The following UGT1A4 variants were observed in gnomAD, a reference collection of about 807,000 sequenced individuals.
UGT1A4 encodes the protein UDP-glucuronosyltransferase 1A4.
In UGT1A4, 32 loss-of-function variants were observed where a neutral mutation model predicts 41.1. That is an observed-to-expected ratio of 0.78 (90% confidence interval 0.59 to 1.05). UGT1A4 has a LOEUF of 1.05. Among genes scored for constraint, UGT1A4 ranks in the 50% least tolerant of loss-of-function variants. UGT1A4 has a pLI of 0.00. For missense variants in UGT1A4, 748 were observed against 677.4 expected (o/e 1.10, Z -1.16); for synonymous variants, 283 against 265.1 (o/e 1.07, Z -0.66).
chr2:233,742,319 G>A (rs1288703999), intron 1 of UGT1A4, among the ~76,000 whole-genome samples: 1 of 151,924 alleles, frequency 6.6e-6, no homozygotes, highest in African/African-American at 2.4e-5. Flanking sequence ...TATTCCTTAC[G>A]GGAAACAAAG....
intron 1 of UGT1A4, among the ~76,000 whole-genome samples, chr2:233,733,964 G>T (rs1371288114): frequency 2.0e-5 from 3 of 152,056 alleles, no homozygotes; most frequent in Admixed American, 1.3e-4. Flanking sequence ...TGTGGGGTAG[G>T]GGGAGCGGGG....
rs1180664629 is a variant in UGT1A4, at chr2:233,724,483, C to T, written c.867+4796C>T. On this transcript the variant is annotated intron_variant, in intron 1 of 4. Coordinates refer to ENST00000373409, the MANE Select transcript of UGT1A4 (RefSeq NM_007120.3). ...GCGGAGGGGCTCCTCACTTCTCAGA[C>T]GGGGCGGCCGGGCAGAGACGCTCCT... 7.2e-3 allele frequency among the ~76,000 whole-genome samples: 496 copies of T among 68,798 alleles called. 18 individuals are homozygous for T. The highest frequency in any genetic ancestry group is 0.025 in the African/African-American group (456 of 18,100). The allele number at this position is 68,798 out of a possible 152,430, so 45.1% of individuals were successfully genotyped here. A position where few individuals can be genotyped will look rare whatever the true frequency, so the allele number is the denominator to read the frequency against.
intron 1 of UGT1A4, chr2:233,743,191 C>T (rs1334858681): frequency 2.7e-6 from 1 of 376,140 alleles, no homozygotes; most frequent in East Asian, 7.3e-5. Flanking sequence ...ACTGGAATTA[C>T]TTGGTGTCAA....
At chr2:233,758,400 T>C (rs1696865651) in intron 1 of UGT1A4, among the ~76,000 whole-genome samples, 1 of 152,196 alleles carries the variant, frequency 6.6e-6, no homozygotes, top group African/African-American at 2.4e-5. Context: ...TTATAGCCCC[T>C]TTACTGTCTA....
chr2:233,738,320 T>C (rs1202605644), intron 1 of UGT1A4, among the ~76,000 whole-genome samples: 5 of 152,210 alleles, frequency 3.3e-5, no homozygotes, highest in Admixed American at 3.3e-4. Context: ...AGTGTGTGAA[T>C]GGACTAATAC....
At chr2:233,726,798 G>T (rs548256451) in intron 1 of UGT1A4, among the ~76,000 whole-genome samples, 1 of 152,228 alleles carries the variant, frequency 6.6e-6, no homozygotes, top group South Asian at 2.1e-4. Context: ...CTTATTCAAG[G>T]CTTGGAGGTT....
chr2:233,718,782 C>T lies in UGT1A4; in HGVS notation c.-39C>T, dbSNP rs199517966. On this transcript the variant is annotated 5_prime_UTR_variant, in exon 1 of 5. Coordinates refer to ENST00000373409, the MANE Select transcript of UGT1A4 (RefSeq NM_007120.3). ...AAGGAAACAAATGTAGCAGGCACAGCGTGGGGTGGACAGTCAGCTGTCGGT... is the reference window on the plus strand; with the variant it reads ...AAGGAAACAAATGTAGCAGGCACAGTGTGGGGTGGACAGTCAGCTGTCGGT... 246 of 1,612,936 alleles carry T rather than the reference C, an allele frequency of 1.5e-4. No individual in the cohort carries two copies. The East Asian group carries it at 2.9e-3, about 19-fold the overall frequency.
At chr2:233,729,155 C>A in intron 1 of UGT1A4, 1 of 1,613,596 alleles carries the variant, frequency 6.2e-7, no homozygotes, top group Non-Finnish European at 8.5e-7. Flanking sequence ...GTTCCCCTGC[C>A]GTGGCTGGCC....
rs184388078 is a variant in UGT1A4 at position 233,743,692 on chromosome 2, G to A, written c.868-23342G>A. ...CGAAGGGCCTGCCGCCTGTGCAGCCGCCCTCCGCCCCCGCCTCGCCATAGC... is the reference window on the plus strand; with the variant it reads ...CGAAGGGCCTGCCGCCTGTGCAGCCACCCTCCGCCCCCGCCTCGCCATAGC... On this transcript the variant is annotated intron_variant, in intron 1 of 4. Coordinates refer to ENST00000373409, the MANE Select transcript of UGT1A4 (RefSeq NM_007120.3). The A allele has an allele frequency of 3.6e-4, 492 of 1,367,218 alleles. 1 individual carries two copies. Among genetic ancestry groups the A allele is most frequent in the Non-Finnish European group, 4.5e-4 (457 of 1,021,852 alleles). 84.7% of individuals were successfully genotyped at this position (1,367,218 alleles called of 1,614,324 possible). A position where few individuals can be genotyped will look rare whatever the true frequency, so the allele number is the denominator to read the frequency against.
chr2:233,769,665 G>T lies in UGT1A4; in HGVS notation c.1307+1226G>T. 6.3e-7 allele frequency: 1 copy of T among 1,592,194 alleles called. No homozygotes were observed. The highest frequency in any genetic ancestry group is 1.1e-5 in the South Asian group (1 of 88,390). The stretch of plus-strand genomic sequence containing the variant: ...TGATGACTGACTTCCCACCTTTGAG[G>T]TGCTAATGTGTGTGTGGTGGCACTG... On this transcript the variant is annotated intron_variant, in intron 4 of 4. Transcript: ENST00000373409. The surrounding 1 kb of genome is among the most constrained non-coding windows in gnomAD (Gnocchi z 4.4).
chr2:233,745,245 C>T (rs931474657), intron 1 of UGT1A4, among the ~76,000 whole-genome samples: 3 of 151,778 alleles, frequency 2.0e-5, no homozygotes, highest in African/African-American at 7.3e-5. Flanking sequence ...TTTACTGTAT[C>T]GAAACCATTA....
intron 2 of UGT1A4, 126 bp from the exon 3 acceptor site, chr2:233,767,723 C>T: frequency 1.3e-6 from 2 of 1,549,102 alleles, no homozygotes; most frequent in Non-Finnish European, 1.7e-6. Context: ...TTCACAGTTA[C>T]TGATCCTCCC....
chr2:233,738,227 A>G (rs1250315362), intron 1 of UGT1A4, among the ~76,000 whole-genome samples: 1 of 151,870 alleles, frequency 6.6e-6, no homozygotes, highest in African/African-American at 2.4e-5. Context: ...AAGTTTCCTG[A>G]GGCCCCTCCA....
intron 1 of UGT1A4, chr2:233,729,977 GGAA>G: frequency 1.2e-6 from 2 of 1,614,018 alleles, no homozygotes; most frequent in African/African-American, 2.7e-5. Flanking sequence ...TGTGCCAACA[GGAA>G]GCCACTATCT....
rs200412341 is a variant in UGT1A4 at position 233,760,665 on chromosome 2, C to T, written c.868-6369C>T. The T allele has an allele frequency of 2.6e-5, 42 of 1,614,226 alleles. No individual in the cohort carries two copies. The East Asian group carries it at 8.9e-4, about 34-fold the overall frequency. On this transcript the variant is annotated intron_variant, in intron 1 of 4. Transcript: ENST00000373409. ...AGGACTCTGCTATGCTTTTGTCTGG[C>T]TGTTCCCACTTACTGCACAACAAGG...
chr2:233,737,440 C>T (rs575360355), intron 1 of UGT1A4, among the ~76,000 whole-genome samples: 16 of 152,288 alleles, frequency 1.1e-4, no homozygotes, highest in African/African-American at 3.1e-4. Context: ...GGGAGTGTCC[C>T]GTTTTTCCAG....
Position 233,719,247 on chromosome 2 carries a change from G to A in UGT1A4, c.427G>A (p.Ala143Thr). The change falls in exon 1 of 5, where the codon GCT becomes ACT. Residue 143 changes from alanine to threonine, a missense_variant. By Grantham distance (58) the Ala-to-Thr change is moderately conservative (BLOSUM62 0). Transcript: ENST00000373409. ...HNEALIRHLN[A>T]TSFDVVLTDP... ...TGAGGCCCTGATCAGGCACCTGAAT[G>A]CTACTTCCTTTGATGTGGTTTTAAC... 1.2e-6 allele frequency: 2 copies of A among 1,614,186 alleles called. No homozygotes were observed.
chr2:233,739,170 A>G (rs1447136581), intron 1 of UGT1A4: 1 of 152,280 alleles, frequency 6.6e-6, no homozygotes, highest in Non-Finnish European at 1.5e-5. Context: ...TAGAGGATGT[A>G]AGGAAATGCT....
intron 1 of UGT1A4, among the ~76,000 whole-genome samples, chr2:233,726,112 G>A (rs1457987990): frequency 6.6e-6 from 1 of 152,176 alleles, no homozygotes; most frequent in Non-Finnish European, 1.5e-5. Flanking sequence ...GCTGCAGTGT[G>A]CCATGTTCAC....
Sources: gnomAD v4.1 joint callset for allele counts (sites outside exome capture counted in the v4.1 genomes callset) on GRCh38, gnomAD v4.1.1 for gene constraint, Gnocchi (gnomAD v3.1) non-coding constraint, MANE v1.5 for transcripts, NCBI Gene and HGNC (gene_info 2026-07-23, HGNC 2026-07-21) for gene names.